The following HS2ST1 variants were observed in gnomAD, a reference collection of about 807,000 sequenced individuals.
HS2ST1 encodes the protein heparan sulfate 2-O-sulfotransferase 1.
In HS2ST1, 18 loss-of-function variants were observed where a neutral mutation model predicts 42.9. That is an observed-to-expected ratio of 0.42 (90% confidence interval 0.29 to 0.62). The LOEUF is 0.62. Among genes scored for constraint, HS2ST1 ranks in the 20% least tolerant of loss-of-function variants. The pLI, the probability that HS2ST1 is intolerant of heterozygous loss-of-function variation, is 0.21. For missense variants in HS2ST1, 334 were observed against 433.8 expected (o/e 0.77, Z 2.04); for synonymous variants, 146 against 152.9 (o/e 0.95, Z 0.33).
intron 1 of HS2ST1, among the ~76,000 whole-genome samples, chr1:86,991,801 G>A (rs1464997202): frequency 1.3e-5 from 2 of 152,126 alleles, no homozygotes; most frequent in Non-Finnish European, 2.9e-5. Flanking sequence ...AGTGTAGTTT[G>A]GCTCTTTACT....
intron 1 of HS2ST1, among the ~76,000 whole-genome samples, chr1:86,952,731 G>A (rs756766199): frequency 7.2e-5 from 11 of 152,144 alleles, no homozygotes; most frequent in Non-Finnish European, 1.6e-4. Context: ...TCTCAACAGT[G>A]GGCTTAAAAT....
chr1:87,052,811 C>T (rs192778501), intron 1 of HS2ST1, among the ~76,000 whole-genome samples: 60 of 152,256 alleles, frequency 3.9e-4, no homozygotes, highest in African/African-American at 1.4e-3. Context: ...TAATTAGTTA[C>T]ATGGAAAAGA....
intron 3 of HS2ST1, among the ~76,000 whole-genome samples, chr1:87,090,544 A>G (rs984532302): frequency 2.0e-5 from 3 of 152,028 alleles, no homozygotes; most frequent in African/African-American, 7.2e-5. Context: ...ATGAAAGCAC[A>G]TAGAACTGTA....
intron 1 of HS2ST1, among the ~76,000 whole-genome samples, chr1:86,937,251 C>A (rs1457019603): frequency 6.6e-6 from 1 of 152,190 alleles, no homozygotes; most frequent in East Asian, 1.9e-4. Context: ...TGAGCCTGCA[C>A]CTTCCTCCCT....
chr1:86,961,041 G>A (rs1256673694), intron 1 of HS2ST1, among the ~76,000 whole-genome samples: 2 of 151,902 alleles, frequency 1.3e-5, no homozygotes, highest in Admixed American at 1.3e-4. Context: ...TAGGTTAATG[G>A]ATAAACAAAC....
At chr1:86,977,831 A>G (rs761564093) in intron 1 of HS2ST1, among the ~76,000 whole-genome samples, 1 of 152,248 alleles carries the variant, frequency 6.6e-6, no homozygotes, top group Non-Finnish European at 1.5e-5. Flanking sequence ...ATATAAAGAT[A>G]CGGAGAACAT....
intron 1 of HS2ST1, among the ~76,000 whole-genome samples, chr1:86,942,760 T>C (rs1660789658): frequency 1.3e-5 from 2 of 152,204 alleles, no homozygotes; most frequent in African/African-American, 2.4e-5. Flanking sequence ...TTTTCTTCAT[T>C]GATAAGGTAA....
chr1:86,975,670 A>AT (rs1012196479), intron 1 of HS2ST1, among the ~76,000 whole-genome samples: 7 of 152,116 alleles, frequency 4.6e-5, no homozygotes, highest in African/African-American at 1.7e-4. Flanking sequence ...ATCTGAGGTA[A>AT]TTTTTACAGT....
chr1:86,922,955 C>T (rs1660331369), intron 1 of HS2ST1, among the ~76,000 whole-genome samples: 1 of 152,026 alleles, frequency 6.6e-6, no homozygotes, highest in Admixed American at 6.6e-5. Context: ...ACTCAAAATA[C>T]ACTTACATTA....
intron 1 of HS2ST1, among the ~76,000 whole-genome samples, chr1:87,044,547 G>C (rs1474876452): frequency 6.6e-6 from 1 of 152,084 alleles, no homozygotes; most frequent in East Asian, 1.9e-4. Flanking sequence ...GTTAGAGCTA[G>C]GCTAAAATTA....
At chr1:86,923,156 C>T (rs1294270660) in intron 1 of HS2ST1, among the ~76,000 whole-genome samples, 1 of 152,168 alleles carries the variant, frequency 6.6e-6, no homozygotes, top group East Asian at 1.9e-4. Flanking sequence ...CCACTCCTCC[C>T]CCTGCCCTTC....
intron 1 of HS2ST1, among the ~76,000 whole-genome samples, chr1:87,070,632 T>C (rs1198904084): frequency 6.6e-6 from 1 of 152,084 alleles, no homozygotes; most frequent in Non-Finnish European, 1.5e-5. Flanking sequence ...CAATACAAAT[T>C]AGTTGAATTT....
intron 1 of HS2ST1, among the ~76,000 whole-genome samples, chr1:86,987,925 C>CT (rs1648837455): frequency 6.6e-6 from 1 of 151,994 alleles, no homozygotes; most frequent in Non-Finnish European, 1.5e-5. Flanking sequence ...CCCTTTTTAC[C>CT]TTTTTTGTCT....
At chr1:87,049,543 G>C (rs988489721) in intron 1 of HS2ST1, among the ~76,000 whole-genome samples, 1 of 152,002 alleles carries the variant, frequency 6.6e-6, no homozygotes, top group Admixed American at 6.5e-5. Context: ...TACTTGAAGT[G>C]TGTTATTTAG....
At chr1:87,006,768 C>T (rs1220526915) in intron 1 of HS2ST1, among the ~76,000 whole-genome samples, 2 of 152,042 alleles carry the variant, frequency 1.3e-5, no homozygotes, top group Admixed American at 1.3e-4. Flanking sequence ...TATGATTAAT[C>T]TAAAATTTAT....
chr1:87,054,565 A>G (rs1430788846), intron 1 of HS2ST1, among the ~76,000 whole-genome samples: 2 of 152,208 alleles, frequency 1.3e-5, no homozygotes, highest in Admixed American at 6.5e-5. Flanking sequence ...CTGTGTGAAG[A>G]AATGGCAAAC....
chr1:87,033,181 G>A (rs1401531759), intron 1 of HS2ST1, among the ~76,000 whole-genome samples: 1 of 152,140 alleles, frequency 6.6e-6, no homozygotes, highest in Non-Finnish European at 1.5e-5. Context: ...TTTATCACCA[G>A]GCTACAGAAA....
intron 1 of HS2ST1, chr1:87,064,400 T>C: frequency 2.0e-6 from 1 of 495,580 alleles, no homozygotes; most frequent in South Asian, 1.5e-5. Context: ...GCCAGTATTT[T>C]AGGTGTACTC....
intron 2 of HS2ST1, among the ~76,000 whole-genome samples, chr1:87,073,972 T>C (rs573789313): frequency 1.4e-4 from 22 of 152,342 alleles, no homozygotes; most frequent in African/African-American, 5.0e-4. Context: ...GTAGTTACAA[T>C]GATATTTATC....
Sources: allele counts gnomAD v4.1 joint callset (sites outside exome capture counted in the v4.1 genomes callset), GRCh38; gene constraint gnomAD v4.1.1; transcripts MANE v1.5; gene names NCBI Gene and HGNC (gene_info 2026-07-23, HGNC 2026-07-21).